GRIA3: variants seen among roughly 807,000 people sequenced by gnomAD.
GRIA3 encodes glutamate receptor 3.
Under a neutral mutation model 63.0 loss-of-function variants are expected in GRIA3, and 3 were observed. The observed-to-expected ratio is 0.05, with a 90% CI of 0.02 to 0.12. GRIA3 has a LOEUF of 0.12. Ranked by LOEUF, GRIA3 falls within the 10% of genes least tolerant of loss-of-function variation. The probability of loss-of-function intolerance (pLI) is 1.00; values close to 1 mark genes in which losing one functional copy is unlikely to be tolerated. For synonymous variants in GRIA3, 274 were observed against 257.9 expected, an observed-to-expected ratio of 1.06 and a Z score of -0.60; for missense variants, 347 against 700.9, an observed-to-expected ratio of 0.50 and a Z score of 5.70.
chrX:123,481,778 T>G (rs2045913856), intron 14 of GRIA3, among the ~76,000 whole-genome samples: 1 of 112,001 alleles, frequency 8.9e-6, no homozygotes, highest in African/African-American at 3.2e-5. Flanking sequence ...ACCAACTTTT[T>G]TCTTTCCATT....
At chrX:123,407,522 G>A (rs1372730863) in intron 10 of GRIA3, among the ~76,000 whole-genome samples, 1 of 110,442 alleles carries the variant, frequency 9.1e-6, no homozygotes, top group Non-Finnish European at 1.9e-5. Context: ...CCTTCTTCCT[G>A]TGTTCTCACA....
Position 123,406,759 on chromosome X carries a change from T to C in GRIA3, c.1500+1845T>C. On this transcript the variant is annotated intron_variant, in intron 10 of 15. Coordinates refer to ENST00000620443, the MANE Select transcript of GRIA3 (RefSeq NM_007325.5). ...GATGAGATTCAAGTGAATCCAGCAG[T>C]AAGAAAGAGAAGAATTTCCAACACC... Among the ~76,000 whole-genome samples, 3 of 111,335 alleles carry C rather than the reference T, an allele frequency of 2.7e-5. 1 individual carries two copies. The Middle Eastern group carries it at 0.014, about 513-fold the overall frequency.
At chrX:123,187,871 T>A (rs1245381340) in intron 2 of GRIA3, among the ~76,000 whole-genome samples, 1 of 111,363 alleles carries the variant, frequency 9.0e-6, no homozygotes, top group Admixed American at 9.5e-5. Flanking sequence ...GAAAAGGCAA[T>A]AAGTCATCCA....
At chrX:123,288,909 G>A (rs932497126) in intron 3 of GRIA3, among the ~76,000 whole-genome samples, 6 of 111,538 alleles carry the variant, frequency 5.4e-5, no homozygotes, top group South Asian at 3.7e-4. Context: ...CCCAGCAATC[G>A]CATTACTGGG....
chrX:123,308,719 G>A (rs927058547), intron 3 of GRIA3, among the ~76,000 whole-genome samples: 2 of 111,547 alleles, frequency 1.8e-5, no homozygotes, highest in African/African-American at 6.5e-5. Flanking sequence ...AACTCATTTC[G>A]TATCCAGCCA....
chrX:123,479,672 T>A (rs1354268422), intron 13 of GRIA3, among the ~76,000 whole-genome samples: 2 of 112,452 alleles, frequency 1.8e-5, no homozygotes, highest in African/African-American at 6.5e-5. Context: ...AAAATTTGCT[T>A]TCTGTCTGGA....
intron 12 of GRIA3, among the ~76,000 whole-genome samples, chrX:123,435,152 G>A (rs2045637743): frequency 1.8e-5 from 2 of 112,182 alleles, no homozygotes; most frequent in South Asian, 3.7e-4. Flanking sequence ...GAAGCTGGTG[G>A]TGTTTATTTC....
chrX:123,416,879 C>CAAA (rs904116936), intron 10 of GRIA3, among the ~76,000 whole-genome samples: 1 of 112,032 alleles, frequency 8.9e-6, no homozygotes, highest in Non-Finnish European at 1.9e-5. Flanking sequence ...GATATGCTTT[C>CAAA]AAAAAAATTC....
At chrX:123,261,371 G>GTA (rs1201655529) in intron 3 of GRIA3, among the ~76,000 whole-genome samples, 1 of 111,649 alleles carries the variant, frequency 9.0e-6, no homozygotes, top group East Asian at 2.8e-4. Context: ...CCTGTTTACT[G>GTA]TAATATTTCC....
At chrX:123,255,438 G>A (rs943396977) in intron 3 of GRIA3, among the ~76,000 whole-genome samples, 6 of 110,691 alleles carry the variant, frequency 5.4e-5, no homozygotes, top group Admixed American at 9.7e-5. Flanking sequence ...TGTATACAGC[G>A]TAATCTAGTG....
chrX:123,434,759 T>C (rs747365346), intron 12 of GRIA3, among the ~76,000 whole-genome samples: 68 of 111,568 alleles, frequency 6.1e-4, no homozygotes, highest in African/African-American at 2.1e-3. Context: ...GCTAGGAATC[T>C]GTGGCTCCAT....
intron 2 of GRIA3, among the ~76,000 whole-genome samples, chrX:123,247,597 A>G (rs2044366445): frequency 8.9e-6 from 1 of 111,970 alleles, no homozygotes; most frequent in Admixed American, 9.4e-5. Context: ...TTTCACACTG[A>G]GAAGGCACAG....
intron 2 of GRIA3, chrX:123,202,489 C>A: frequency 2.0e-6 from 1 of 508,375 alleles, no homozygotes; most frequent in Non-Finnish European, 3.2e-6. Context: ...AGAATGTTGG[C>A]TGCCTTCCCC....
chrX:123,316,535 G>A (rs767732003), intron 3 of GRIA3, among the ~76,000 whole-genome samples: 1 of 112,122 alleles, frequency 8.9e-6, no homozygotes, highest in Non-Finnish European at 1.9e-5. Flanking sequence ...CCTACTTTGA[G>A]ATATTAATTC....
intron 14 of GRIA3, among the ~76,000 whole-genome samples, chrX:123,481,469 T>C (rs2045912433): frequency 1.8e-5 from 2 of 111,760 alleles, no homozygotes; most frequent in African/African-American, 6.5e-5. Context: ...TCTATGAAAA[T>C]GGGATAAGAA....
chrX:123,328,745 C>G (rs778640256), intron 4 of GRIA3, among the ~76,000 whole-genome samples: 58 of 111,756 alleles, frequency 5.2e-4, no homozygotes, highest in Admixed American at 1.8e-3. Flanking sequence ...GTATTTCCAT[C>G]CAGAGGCAAA....
chrX:123,398,212 C>T (rs755955323), intron 6 of GRIA3, among the ~76,000 whole-genome samples: 18 of 111,824 alleles, frequency 1.6e-4, no homozygotes, highest in Non-Finnish European at 2.8e-4. Context: ...TTAGCTATTT[C>T]CATTTTCCCC....
At chrX:123,310,591 T>C in intron 3 of GRIA3, among the ~76,000 whole-genome samples, 1 of 113,395 alleles carries the variant, frequency 8.8e-6, no homozygotes. Flanking sequence ...AAATATTATT[T>C]GGGAACAATC....
intron 6 of GRIA3, among the ~76,000 whole-genome samples, chrX:123,397,160 G>A (rs2045419073): frequency 1.8e-5 from 2 of 111,890 alleles, no homozygotes; most frequent in South Asian, 7.5e-4. Flanking sequence ...AAATGTTCAT[G>A]CTTATAAGTA....
Sources: allele counts gnomAD v4.1 joint callset (sites outside exome capture counted in the v4.1 genomes callset), GRCh38; gene constraint gnomAD v4.1.1; transcripts MANE v1.5; gene names NCBI Gene and HGNC (gene_info 2026-07-23, HGNC 2026-07-21).